Variants in MYH11 observed in about 807,000 individuals in gnomAD.
MYH11 encodes the protein myosin heavy chain 11, also known as myosin-11.
In MYH11, 80 loss-of-function variants were observed where a neutral mutation model predicts 246.6. The observed-to-expected ratio is 0.32, with a 90% CI of 0.27 to 0.39. The LOEUF is 0.39. Among genes scored for constraint, MYH11 ranks in the 10% least tolerant of loss-of-function variants. The probability of loss-of-function intolerance (pLI) is 1.00; values close to 1 mark genes in which losing one functional copy is unlikely to be tolerated. For synonymous variants in MYH11, 1,071 were observed against 1,015.5 expected (o/e 1.05, Z -1.04); for missense variants, 2,158 against 2,546.8 (o/e 0.85, Z 3.29).
intron 2 of MYH11, among the ~76,000 whole-genome samples, chr16:15,837,625 C>A (rs774386533): frequency 1.3e-5 from 2 of 151,436 alleles, no homozygotes; most frequent in Non-Finnish European, 2.9e-5. Flanking sequence ...ACCTCCACCT[C>A]CTGGATTCAA....
At chr16:15,776,314 C>A in intron 7 of MYH11, 138 bp from the exon 8 acceptor site, 2 of 701,522 alleles carry the variant, frequency 2.9e-6, no homozygotes, top group Non-Finnish European at 2.6e-6. Flanking sequence ...TAACTTTGAC[C>A]ATTGCCCCTA....
Position 15,759,615 on chromosome 16 carries a change from G to A in MYH11, c.1362C>T (p.Phe454=). The A allele has an allele frequency of 1.9e-6, 3 of 1,614,190 alleles. No homozygotes were observed. The highest frequency in any genetic ancestry group is 2.2e-5 in the South Asian group (2 of 91,086). The change falls in exon 12 of 41, where the codon TTC becomes TTT. Residue 454 remains phenylalanine, a synonymous_variant. Transcript: ENST00000300036. The part of the protein sequence containing the change: ...LDKTHRQGAS[F]LGILDIAGFE... The stretch of plus-strand genomic sequence containing the variant: ...ATCCAGCTATATCCAGGATCCCCAG[G>A]AAGGAAGCCCCTTGCCGATGGGTCT...
intron 38 of MYH11, among the ~76,000 whole-genome samples, chr16:15,716,087 T>TGA (rs2040116279): frequency 6.6e-6 from 1 of 151,864 alleles, no homozygotes; most frequent in African/African-American, 2.4e-5. Context: ...GGAAACAGAG[T>TGA]GAGACTATGT....
chr16:15,821,924 C>CAA (rs35907978), intron 3 of MYH11, among the ~76,000 whole-genome samples: 1 of 107,364 alleles, frequency 9.3e-6, no homozygotes, highest in African/African-American at 3.2e-5. Flanking sequence ...GACTCCGTCT[C>CAA]AAAAAAAAAA....
chr16:15,772,341 C>G (rs1166289933), intron 8 of MYH11, among the ~76,000 whole-genome samples: 1 of 152,064 alleles, frequency 6.6e-6, no homozygotes, highest in Non-Finnish European at 1.5e-5. Context: ...ATCCACCCAC[C>G]TTGGCCTCTC....
chr16:15,724,179 C>T lies in MYH11; in HGVS notation c.4347G>A (p.Lys1449=). 2 of 1,613,834 alleles carry T rather than the reference C, an allele frequency of 1.2e-6. No homozygotes were observed. The highest frequency in any genetic ancestry group is 1.7e-6 in the Non-Finnish European group (2 of 1,180,046). ...QRQLVSNLEK[K]QRKFDQLLAE... is the part of the protein sequence containing the mutation. ...CCTCTACCTGATCAAATTTCCTCTGCTTCTTTTCCAGGTTGGACACGAGTT... is the reference window on the plus strand; with the variant it reads ...CCTCTACCTGATCAAATTTCCTCTGTTTCTTTTCCAGGTTGGACACGAGTT... Residue 1449 remains lysine (K), a synonymous_variant, in exon 31 of 41, where the codon AAG becomes AAA. Transcript: ENST00000300036.
intron 29 of MYH11, 40 bp from the exon 30 acceptor site, chr16:15,724,839 G>A (rs753178827): frequency 1.8e-5 from 29 of 1,613,478 alleles, no homozygotes; most frequent in South Asian, 6.6e-5. Flanking sequence ...GACCTGCCCC[G>A]AGGAAGGCCA....
intron 3 of MYH11, among the ~76,000 whole-genome samples, chr16:15,802,574 C>T (rs1189290510): frequency 2.6e-5 from 4 of 152,162 alleles, no homozygotes; most frequent in Non-Finnish European, 4.4e-5. Context: ...TCGGCCTCCC[C>T]TGTAGCTGGG....
At chr16:15,806,006 CGGTG>C (rs1567188436) in intron 3 of MYH11, among the ~76,000 whole-genome samples, 1 of 151,940 alleles carries the variant, frequency 6.6e-6, no homozygotes, top group Non-Finnish European at 1.5e-5. Context: ...CGGCTGGGCA[CGGTG>C]GCTCACACCT....
At position 15,714,957 on chromosome 16, in the gene MYH11, C is replaced by G. The variant is rs2040038086; in HGVS notation, c.5738G>C (p.Ser1913Thr). The change falls in exon 40 of 41, where the codon AGC becomes ACC. Residue 1913 changes from serine to threonine, a missense_variant. Physicochemically the swap from Ser to Thr is moderately conservative, Grantham distance 58 (BLOSUM62 1). Coordinates refer to ENST00000300036, the MANE Select transcript of MYH11 (RefSeq NM_002474.3). The part of the protein sequence containing the change: ...LQRELDEATE[S>T]NEAMGREVNA... ...CACCTCGCGGCCCATGGCCTCGTTGCTCTCCGTGGCCTCATCCAGCTCCCG... is the reference window on the plus strand; with the variant it reads ...CACCTCGCGGCCCATGGCCTCGTTGGTCTCCGTGGCCTCATCCAGCTCCCG... 6.2e-7 allele frequency: 1 copy of G among 1,614,024 alleles called. No individual in the cohort carries two copies. The highest frequency in any genetic ancestry group is 8.5e-7 in the Non-Finnish European group (1 of 1,180,056).
chr16:15,813,268 G>A (rs536061865), intron 3 of MYH11, among the ~76,000 whole-genome samples: 2 of 152,158 alleles, frequency 1.3e-5, no homozygotes, highest in African/African-American at 4.8e-5. Context: ...CAGGATTGCT[G>A]AACCCAGGAG....
rs763594267 is a variant in MYH11, at chr16:15,721,586, C to T, written c.4414G>A (p.Asp1472Asn). Residue 1472 changes from aspartate to asparagine, a missense_variant, in exon 32 of 41, where the codon GAC becomes AAC. Asp to Asn is a conservative substitution (Grantham distance 23, BLOSUM62 1). Coordinates refer to ENST00000300036, the MANE Select transcript of MYH11 (RefSeq NM_002474.3). Reference protein sequence around the residue: ...NISSKYADERDRAEAEAREKE... With the variant: ...NISSKYADERNRAEAEAREKE... ...TCCCTGGCTTCTGCCTCAGCTCTGT[C>T]CCTCTCATCCGCGTATTTGGAAGAG... The T allele has an allele frequency of 6.2e-7, 1 of 1,614,202 alleles. No homozygotes were observed. The highest frequency in any genetic ancestry group is 8.5e-7 in the Non-Finnish European group (1 of 1,180,032).
chr16:15,716,086 G>A (rs2040116128), intron 38 of MYH11, among the ~76,000 whole-genome samples: 1 of 152,082 alleles, frequency 6.6e-6, no homozygotes, highest in Admixed American at 6.6e-5. Flanking sequence ...GGGAAACAGA[G>A]TGAGACTATG....
rs1039017867 is a variant in MYH11 at position 15,750,577 on chromosome 16, G to C, written c.1865-246C>G. 6.6e-6 allele frequency among the ~76,000 whole-genome samples: 1 copy of C among 152,172 alleles called. No homozygotes were observed. The highest frequency in any genetic ancestry group is 2.1e-4 in the South Asian group (1 of 4,820). On this transcript the variant is annotated intron_variant, in intron 15 of 40. Coordinates refer to ENST00000300036, the MANE Select transcript of MYH11 (RefSeq NM_002474.3). This position sits in a 1 kb window ranked among gnomAD's most constrained non-coding sequence, Gnocchi z 4.3. ...TGACCTAGGAGTCAAGCCTGCTCTC[G>C]CTGTCCACTCACTGACTAGCCTTGG...
intron 40 of MYH11, among the ~76,000 whole-genome samples, 164 bp from the exon 41 acceptor site, chr16:15,704,287 T>G (rs2039335946): frequency 6.6e-6 from 1 of 152,184 alleles, no homozygotes; most frequent in Non-Finnish European, 1.5e-5. Context: ...ATATTCAAGT[T>G]GAAGTCAACA....
intron 22 of MYH11, chr16:15,741,259 G>C: frequency 1.5e-6 from 1 of 656,454 alleles, no homozygotes; most frequent in South Asian, 1.7e-5. Context: ...CACATGCAAG[G>C]CAGGGCAATA....
chr16:15,720,252 C>G lies in MYH11; in HGVS notation c.4852G>C (p.Ala1618Pro). ...AGGTCCCCTTCCAGCTTCTTCTTTGCTGCAGCTGCCAGGGCACGTTGCTTT... is the reference window on the plus strand; with the variant it reads ...AGGTCCCCTTCCAGCTTCTTCTTTGGTGCAGCTGCCAGGGCACGTTGCTTT... ...ERKQRALAAA[A>P]KKKLEGDLKD... Residue 1618 changes from alanine to proline, a missense_variant, in exon 34 of 41, where the codon GCA becomes CCA. Coordinates refer to ENST00000300036, the MANE Select transcript of MYH11 (RefSeq NM_002474.3). 6.2e-7 allele frequency: 1 copy of G among 1,614,170 alleles called. No homozygotes were observed.
intron 3 of MYH11, among the ~76,000 whole-genome samples, chr16:15,800,928 G>T (rs189680070): frequency 1.3e-5 from 2 of 152,104 alleles, no homozygotes; most frequent in Non-Finnish European, 2.9e-5. Flanking sequence ...TAGGCAGGCC[G>T]GGCGCAGTGG....
chr16:15,760,431 C>G, intron 11 of MYH11, 109 bp downstream of exon 11: 1 of 893,416 alleles, frequency 1.1e-6, no homozygotes, highest in Non-Finnish European at 1.9e-6. Context: ...CAGAGGCAGA[C>G]CATGGGTGAA....
Sources: allele counts gnomAD v4.1 joint callset (sites outside exome capture counted in the v4.1 genomes callset), GRCh38; gene constraint gnomAD v4.1.1; non-coding constraint Gnocchi (gnomAD v3.1); transcripts MANE v1.5; gene names NCBI Gene and HGNC (gene_info 2026-07-23, HGNC 2026-07-21).